RALGAPB: variants seen among roughly 807,000 people sequenced by gnomAD.
The protein encoded by RALGAPB is ral GTPase-activating protein subunit beta.
In RALGAPB, 25 loss-of-function variants were observed where a neutral mutation model predicts 161.1. The ratio of observed to expected loss-of-function variants is 0.16; its 90% CI spans 0.11 to 0.22. The LOEUF (loss-of-function observed/expected upper bound fraction) is 0.22, where lower values mean the gene tolerates loss of function less well. RALGAPB is among the 10% of genes least tolerant of loss of function. The pLI, the probability that RALGAPB is intolerant of heterozygous loss-of-function variation, is 1.00. For missense variants in RALGAPB, 1,391 were observed against 1,815.2 expected, an observed-to-expected ratio of 0.77 and a Z score of 4.25; for synonymous variants, 629 against 626.1, an observed-to-expected ratio of 1.00 and a Z score of -0.07.
chr20:38,556,684 C>T (rs1417911872), intron 22 of RALGAPB, among the ~76,000 whole-genome samples: 2 of 151,770 alleles, frequency 1.3e-5, no homozygotes, highest in Admixed American at 1.3e-4. Context: ...GAGTTATGTT[C>T]CTGGATTAGA....
At chr20:38,549,563 T>TATACAC (rs1257286785) in intron 20 of RALGAPB, among the ~76,000 whole-genome samples, 9 of 115,308 alleles carry the variant, frequency 7.8e-5, no homozygotes, top group African/African-American at 2.4e-4. Flanking sequence ...TATATATATA[T>TATACAC]ACACACACAC....
intron 1 of RALGAPB, among the ~76,000 whole-genome samples, chr20:38,473,330 C>T (rs2084705961): frequency 6.6e-6 from 1 of 152,304 alleles, no homozygotes; most frequent in African/African-American, 2.4e-5. Context: ...AAGCTCTCTC[C>T]TGGCAACCTG....
chr20:38,534,620 T>G (rs536404694), intron 15 of RALGAPB, among the ~76,000 whole-genome samples: 6 of 152,218 alleles, frequency 3.9e-5, no homozygotes, highest in Non-Finnish European at 7.3e-5. Flanking sequence ...TTTTGATGGC[T>G]TAAACCCTGT....
intron 16 of RALGAPB, among the ~76,000 whole-genome samples, chr20:38,535,788 T>C (rs2086787854): frequency 6.6e-6 from 1 of 152,212 alleles, no homozygotes; most frequent in Non-Finnish European, 1.5e-5. Flanking sequence ...TTTCACCATG[T>C]TGGCCAGGCT....
intron 13 of RALGAPB, among the ~76,000 whole-genome samples, chr20:38,527,732 A>C (rs1360616432): frequency 2.0e-5 from 3 of 152,206 alleles, no homozygotes; most frequent in Admixed American, 1.3e-4. Context: ...TAGGTTATTT[A>C]AATAACATAA....
intron 1 of RALGAPB, among the ~76,000 whole-genome samples, chr20:38,484,104 A>G (rs769864051): frequency 6.8e-4 from 104 of 152,200 alleles, no homozygotes; most frequent in Non-Finnish European, 1.3e-3. Flanking sequence ...GCTTGAACCC[A>G]GGAGGCGAGG....
rs184533907 is a variant in RALGAPB at position 38,473,182 on chromosome 20, G to C, written c.-31+113G>C. 912 of 315,616 alleles carry C rather than the reference G, an allele frequency of 2.9e-3. 8 individuals are homozygous for C. Among genetic ancestry groups the C allele is most frequent in the African/African-American group, 0.018 (835 of 45,846 alleles). 19.6% of individuals were successfully genotyped at this position (315,616 alleles called of 1,614,324 possible). ...TTGTTTCTCGGCTCTGGGTGCTCCA[G>C]GGGCCCGGCCTTTGGAAGCTCATCT... On this transcript the variant is annotated intron_variant, in intron 1 of 29. Transcript: ENST00000262879.
intron 22 of RALGAPB, among the ~76,000 whole-genome samples, chr20:38,555,824 A>G (rs2087569268): frequency 6.6e-6 from 1 of 152,222 alleles, no homozygotes; most frequent in African/African-American, 2.4e-5. Context: ...GACAGCTCAT[A>G]CATACAGAAC....
intron 6 of RALGAPB, among the ~76,000 whole-genome samples, chr20:38,512,916 T>C (rs2086006309): frequency 1.3e-5 from 2 of 151,842 alleles, no homozygotes; most frequent in African/African-American, 4.8e-5. Context: ...CCCACCACCA[T>C]GCCTGACTAA....
chr20:38,515,982 A>G (rs1359522142), intron 6 of RALGAPB, among the ~76,000 whole-genome samples: 1 of 152,194 alleles, frequency 6.6e-6, no homozygotes, highest in Non-Finnish European at 1.5e-5. Context: ...TTTGATTCTC[A>G]TGCTTGGAGT....
At chr20:38,540,994 A>G (rs570277019) in intron 17 of RALGAPB, 47 bp from the exon 18 acceptor site, 3 of 1,591,158 alleles carry the variant, frequency 1.9e-6, no homozygotes, top group East Asian at 2.2e-5. Flanking sequence ...TTGTCTTCTC[A>G]TGAGAAAGGT....
rs574296593 is a variant in RALGAPB, at chr20:38,546,261, C to T, written c.2733C>T (p.Gly911=). ...TCCATAGCATTATGCAGTTGCTCGG[C>T]GCATTTCCTTCACCTAGTGGTCCTG... The part of the protein sequence containing the change: ...ATLTCIMQLL[G]AFPSPSGPAS... Residue 911 remains glycine, a synonymous_variant, in exon 19 of 30, where the codon GGC becomes GGT. Transcript: ENST00000262879. The T allele has an allele frequency of 3.2e-5, 52 of 1,614,022 alleles. No homozygotes were observed. Among genetic ancestry groups the T allele is most frequent in the African/African-American group, 4.0e-5 (3 of 75,038 alleles).
intron 1 of RALGAPB, 83 bp from the exon 2 acceptor site, chr20:38,488,320 C>A: frequency 1.2e-6 from 1 of 847,026 alleles, no homozygotes. Context: ...TTTATCATGC[C>A]AATAGTCTAT....
chr20:38,498,047 C>T (rs555268583), intron 4 of RALGAPB, among the ~76,000 whole-genome samples: 4 of 131,968 alleles, frequency 3.0e-5, no homozygotes, highest in Non-Finnish European at 6.2e-5. Flanking sequence ...CCAGCCTGGG[C>T]GACAAGAGCA....
chr20:38,535,286 G>GT (rs1412297524), intron 16 of RALGAPB, 79 bp downstream of exon 16: 1 of 1,489,276 alleles, frequency 6.7e-7, no homozygotes, highest in African/African-American at 1.4e-5. Flanking sequence ...AACCCCTTGT[G>GT]TGGGTATTTT....
At chr20:38,501,977 A>G (rs937639026) in intron 5 of RALGAPB, among the ~76,000 whole-genome samples, 3 of 152,250 alleles carry the variant, frequency 2.0e-5, no homozygotes, top group Non-Finnish European at 2.9e-5. Context: ...GTATTATACT[A>G]AATTAAAATT....
intron 5 of RALGAPB, among the ~76,000 whole-genome samples, chr20:38,507,992 G>T (rs1446087541): frequency 6.6e-6 from 1 of 151,694 alleles, no homozygotes; most frequent in Non-Finnish European, 1.5e-5. Flanking sequence ...TTAAGTTGTT[G>T]AGTTATTTTT....
intron 6 of RALGAPB, among the ~76,000 whole-genome samples, chr20:38,511,384 G>C (rs2085947215): frequency 6.6e-6 from 1 of 151,184 alleles, no homozygotes; most frequent in Non-Finnish European, 1.5e-5. Context: ...TCGGAGAGGG[G>C]GATTTGGCAG....
rs141544081 is a variant in RALGAPB, at chr20:38,484,135, G to A, written c.-30-4268G>A. Among the ~76,000 whole-genome samples, 403 of 152,204 alleles carry A rather than the reference G, an allele frequency of 2.6e-3. 1 individual carries two copies. The highest frequency in any genetic ancestry group is 9.2e-3 in the African/African-American group (384 of 41,516). On this transcript the variant is annotated intron_variant, in intron 1 of 29. Transcript: ENST00000262879. ...CGAGGTCACAGTGAGCCAAGATGGC[G>A]CTATTGCACTCCAGCCTGGGTGACA...
Sources: allele counts gnomAD v4.1 joint callset (sites outside exome capture counted in the v4.1 genomes callset), GRCh38; gene constraint gnomAD v4.1.1; transcripts MANE v1.5; gene names NCBI Gene and HGNC (gene_info 2026-07-23, HGNC 2026-07-21).